Variants in ZNF573 observed in about 807,000 individuals in gnomAD.
ZNF573 encodes zinc finger protein 573.
Under a neutral mutation model 57.4 loss-of-function variants are expected in ZNF573, and 41 were observed. The ratio of observed to expected loss-of-function variants is 0.71; its 90% CI spans 0.56 to 0.93. The LOEUF is 0.93. ZNF573 is among the 40% of genes least tolerant of loss of function. ZNF573 has a pLI of 0.00. For synonymous variants in ZNF573, 249 were observed against 261.0 expected, an observed-to-expected ratio of 0.95 and a Z score of 0.44; for missense variants, 730 against 794.8, an observed-to-expected ratio of 0.92 and a Z score of 0.98.
intron 4 of ZNF573, among the ~76,000 whole-genome samples, chr19:37,761,336 A>G (rs1372568547): frequency 2.0e-5 from 3 of 152,202 alleles, no homozygotes; most frequent in South Asian, 2.1e-4. Flanking sequence ...ATAATACCAC[A>G]AAATGAAGTC....
chr19:37,778,688 T>C (rs2055327049), intron 1 of ZNF573: 1 of 152,106 alleles, frequency 6.6e-6, no homozygotes, highest in African/African-American at 2.4e-5. Context: ...AGAATTTTTT[T>C]CCTCCTCATT....
chr19:37,757,741 A>G (rs935839896), intron 4 of ZNF573, among the ~76,000 whole-genome samples: 2 of 152,142 alleles, frequency 1.3e-5, no homozygotes, highest in African/African-American at 4.8e-5. Flanking sequence ...ACACATGCAC[A>G]TGTATGTTTA....
intron 2 of ZNF573, among the ~76,000 whole-genome samples, chr19:37,772,746 GCCA>G: frequency 6.6e-6 from 1 of 151,412 alleles, no homozygotes; most frequent in East Asian, 2.0e-4. Context: ...CAATCCTCCT[GCCA>G]TAGCCTCCCG....
intron 3 of ZNF573, 59 bp from the exon 4 acceptor site, chr19:37,770,156 T>C: frequency 7.6e-7 from 1 of 1,317,550 alleles, no homozygotes; most frequent in Admixed American, 2.6e-5. Context: ...ACAGAAACCT[T>C]TGAGCTTTGA....
chr19:37,754,652 C>G (rs1052063791), intron 4 of ZNF573, among the ~76,000 whole-genome samples: 1 of 148,748 alleles, frequency 6.7e-6, no homozygotes. Flanking sequence ...AAATCCATTT[C>G]TAGATTTCAT....
chr19:37,771,286 TTAATAA>T (rs1568424416), intron 3 of ZNF573, among the ~76,000 whole-genome samples: 1 of 151,554 alleles, frequency 6.6e-6, no homozygotes, highest in Non-Finnish European at 1.5e-5. Context: ...AATATATAAT[TTAATAA>T]TAATAATATA....
chr19:37,748,069 G>T (rs1401861652), intron 4 of ZNF573, among the ~76,000 whole-genome samples: 3 of 152,158 alleles, frequency 2.0e-5, no homozygotes, highest in Non-Finnish European at 4.4e-5. Context: ...TACTGGCATG[G>T]TCTGTCAAGA....
intron 4 of ZNF573, among the ~76,000 whole-genome samples, chr19:37,749,045 A>T (rs1268426634): frequency 6.6e-6 from 1 of 151,888 alleles, no homozygotes; most frequent in Non-Finnish European, 1.5e-5. Flanking sequence ...GTAAGTATAG[A>T]CTCTATAGTA....
At chr19:37,758,809 G>A (rs1456066751) in intron 4 of ZNF573, among the ~76,000 whole-genome samples, 8 of 151,954 alleles carry the variant, frequency 5.3e-5, no homozygotes, top group Non-Finnish European at 1.2e-4. Flanking sequence ...GACACCCTAG[G>A]AAGTATATGA....
intron 4 of ZNF573, among the ~76,000 whole-genome samples, chr19:37,743,245 G>A (rs1264790201): frequency 1.7e-4 from 26 of 151,262 alleles, no homozygotes; most frequent in African/African-American, 4.9e-4. Context: ...ACTTGAACGC[G>A]GGAGGTAGAG....
chr19:37,770,719 T>C (rs1287279305), intron 3 of ZNF573: 1 of 149,006 alleles, frequency 6.7e-6, no homozygotes, highest in Non-Finnish European at 1.5e-5. Context: ...CAGTGAGCTA[T>C]GATTGCACTC....
intron 4 of ZNF573, among the ~76,000 whole-genome samples, chr19:37,761,591 C>G (rs2045553472): frequency 6.6e-6 from 1 of 152,192 alleles, no homozygotes. Context: ...CTTTGTTTGA[C>G]TGTTGGTCAT....
intron 4 of ZNF573, among the ~76,000 whole-genome samples, chr19:37,763,983 A>C (rs1302501008): frequency 6.6e-6 from 1 of 151,176 alleles, no homozygotes; most frequent in Non-Finnish European, 1.5e-5. Flanking sequence ...GACTCGCTTG[A>C]ACCCAGGAGG....
chr19:37,752,864 G>A (rs1050367619), intron 4 of ZNF573, among the ~76,000 whole-genome samples: 1 of 152,002 alleles, frequency 6.6e-6, no homozygotes, highest in African/African-American at 2.4e-5. Context: ...CAAACCCCTG[G>A]GCTCAAGCAA....
At chr19:37,777,436 A>G (rs950047249) in intron 1 of ZNF573, among the ~76,000 whole-genome samples, 5 of 152,214 alleles carry the variant, frequency 3.3e-5, no homozygotes, top group African/African-American at 1.2e-4. Flanking sequence ...ACGTACACAT[A>G]TATATACACT....
At chr19:37,756,632 T>C (rs1568419792) in intron 4 of ZNF573, among the ~76,000 whole-genome samples, 1 of 152,134 alleles carries the variant, frequency 6.6e-6, no homozygotes, top group Non-Finnish European at 1.5e-5. Context: ...CTAGTTATAA[T>C]GGCTCTTTGC....
chr19:37,770,830 TTTTATATATATATATATATA>T (rs1568424202), intron 3 of ZNF573, among the ~76,000 whole-genome samples: 3 of 44,158 alleles, frequency 6.8e-5, no homozygotes, highest in Admixed American at 7.6e-4. Context: ...GATTAAGTTA[TTTTATATATATATATATATA>T]TATATATATA....
chr19:37,763,991 A>G (rs2045576552), intron 4 of ZNF573, among the ~76,000 whole-genome samples: 2 of 149,232 alleles, frequency 1.3e-5, no homozygotes, highest in South Asian at 4.2e-4. Context: ...TGAACCCAGG[A>G]GGCAGAGGTT....
In ZNF573 at chr19:37,779,548, C is replaced by CA. The variant is rs1424161308; in HGVS notation, c.-28dup. On this transcript the variant is annotated 5_prime_UTR_variant, in exon 1 of 5. It removes the in-frame stop codon of an upstream open reading frame in the 5' UTR. Transcript: ENST00000536220. ...ACTGAAATGAGTTCAACCCACCTTG[C>CA]AAAAGAACCACGCGAAAACGGAAGG... The CA allele has an allele frequency of 2.0e-5, 3 of 152,252 alleles. No individual in the cohort carries two copies. The highest frequency in any genetic ancestry group is 4.4e-5 in the Non-Finnish European group (3 of 68,118). 9.4% of individuals were successfully genotyped at this position (152,252 alleles called of 1,614,324 possible).
Sources: allele counts gnomAD v4.1 joint callset (sites outside exome capture counted in the v4.1 genomes callset), GRCh38; gene constraint gnomAD v4.1.1; transcripts MANE v1.5; gene names NCBI Gene and HGNC (gene_info 2026-07-23, HGNC 2026-07-21).